Variants in PCDHGA8 observed in about 807,000 individuals in gnomAD.
PCDHGA8 encodes protocadherin gamma-A8.
A neutral mutation model predicts 59.2 loss-of-function variants in PCDHGA8; 45 were observed. The observed-to-expected ratio is 0.76, with a 90% CI of 0.60 to 0.98. The LOEUF is 0.98. Among genes scored for constraint, PCDHGA8 ranks in the 50% least tolerant of loss-of-function variants. The probability of loss-of-function intolerance (pLI) is 0.00; values close to 1 mark genes in which losing one functional copy is unlikely to be tolerated. For synonymous variants in PCDHGA8, 531 were observed against 519.0 expected, an observed-to-expected ratio of 1.02 and a Z score of -0.32; for missense variants, 1,257 against 1,196.2, an observed-to-expected ratio of 1.05 and a Z score of -0.75.
chr5:141,419,217 G>A (rs1407588828), intron 1 of PCDHGA8: 1 of 1,613,936 alleles, frequency 6.2e-7, no homozygotes, highest in Admixed American at 1.7e-5. Context: ...CCGGTTTTCG[G>A]ACAGTCAGCC....
chr5:141,409,561 C>T (rs1296401858), intron 1 of PCDHGA8: 4 of 1,613,986 alleles, frequency 2.5e-6, no homozygotes, highest in Non-Finnish European at 3.4e-6. Context: ...CAGTTTTCGA[C>T]CAGACGTCCT....
At chr5:141,416,641 C>A (rs996381588) in intron 1 of PCDHGA8, 1 of 152,056 alleles carries the variant, frequency 6.6e-6, no homozygotes, top group Non-Finnish European at 1.5e-5. Context: ...AAACACCAAC[C>A]ACAGCTGTAA....
At chr5:141,397,926 A>T in intron 1 of PCDHGA8, 1 of 753,888 alleles carries the variant, frequency 1.3e-6, no homozygotes, top group Non-Finnish European at 2.1e-6. Context: ...CTCCTCGCGC[A>T]GCCGCAGCGC....
At chr5:141,466,180 A>AT (rs922532578) in intron 1 of PCDHGA8, among the ~76,000 whole-genome samples, 11 of 151,256 alleles carry the variant, frequency 7.3e-5, no homozygotes, top group South Asian at 2.1e-4. Context: ...TTTTATTTTT[A>AT]TTTTTTTTCA....
intron 1 of PCDHGA8, among the ~76,000 whole-genome samples, chr5:141,470,239 A>G (rs978204909): frequency 1.3e-5 from 2 of 152,232 alleles, no homozygotes; most frequent in African/African-American, 2.4e-5. Flanking sequence ...AAACCCTTGA[A>G]TGTCCCACCT....
At position 141,395,157 on chromosome 5, in the gene PCDHGA8, C is replaced by T. The variant is rs1217678334; in HGVS notation, c.2344C>T (p.Gln782Ter). ...QPNYADMLIS[Q>*]EGCEKNDSLL... ...CAACTACGCAGACATGCTCATCAGT[C>T]AGGAGGGCTGTGAGAAAAATGATTC... Residue 782 changes from glutamine to a stop codon, truncating the protein, a stop_gained, in exon 1 of 4, where the codon CAG (glutamine) becomes TAG (stop). Transcript: ENST00000398604. LOFTEE classifies it high-confidence loss of function. The T allele has an allele frequency of 2.5e-6, 4 of 1,614,174 alleles. No homozygotes were observed. The highest frequency in any genetic ancestry group is 1.7e-5 in the Admixed American group (1 of 60,022).
At chr5:141,465,229 A>G (rs1010075158) in intron 1 of PCDHGA8, among the ~76,000 whole-genome samples, 6 of 152,208 alleles carry the variant, frequency 3.9e-5, no homozygotes, top group Non-Finnish European at 2.9e-5. Flanking sequence ...CATGAGCTCC[A>G]TCAAGTTCAA....
intron 1 of PCDHGA8, among the ~76,000 whole-genome samples, chr5:141,401,643 A>G (rs973841801): frequency 6.6e-6 from 1 of 152,262 alleles, no homozygotes; most frequent in African/African-American, 2.4e-5. Context: ...AGCTTTAAAT[A>G]TAAATGACTG....
intron 1 of PCDHGA8, chr5:141,409,185 C>G (rs765063807): frequency 6.2e-7 from 1 of 1,614,024 alleles, no homozygotes; most frequent in South Asian, 1.1e-5. Flanking sequence ...GGTGGTCTCT[C>G]TACCCAGTGT....
intron 1 of PCDHGA8, chr5:141,478,139 G>A: frequency 6.2e-7 from 1 of 1,614,040 alleles, no homozygotes; most frequent in Non-Finnish European, 8.5e-7. Context: ...TGAAGCCCGA[G>A]CCGAGTTCCC....
rs944974638 is a variant in PCDHGA8, at chr5:141,393,886, A to C, written c.1073A>C (p.Glu358Ala). 3.7e-6 allele frequency: 6 copies of C among 1,614,034 alleles called. No individual in the cohort carries two copies. In the East Asian group the frequency reaches 1.3e-4, roughly 36 times the overall value. Residue 358 changes from glutamate (E) to alanine (A), a missense_variant, in exon 1 of 4, where the codon GAA (glutamate) becomes GCA (alanine). Glu to Ala is a moderately radical substitution (Grantham distance 107). Coordinates refer to ENST00000398604, the MANE Select transcript of PCDHGA8 (RefSeq NM_032088.2). ...ACGTCTTTGTTTAGCCCAGTGTTAG[A>C]AAATTCTCTTCCCGGGACAGTAATT... ...IITSLFSPVL[E>A]NSLPGTVIAF...
At position 141,431,276 on chromosome 5, in the gene PCDHGA8, A is replaced by T; in HGVS notation, c.2424+36039A>T. 6.2e-7 allele frequency: 1 copy of T among 1,614,176 alleles called. No individual in the cohort carries two copies. Among genetic ancestry groups the T allele is most frequent in the South Asian group, 1.1e-5 (1 of 91,084 alleles). ...GAACTCTCTGCAGAGCTACGAGCTC[A>T]GCCCGAACACTCACTTCTCCCTCAT... is the stretch of plus-strand genomic sequence containing the variant. On this transcript the variant is annotated intron_variant, in intron 1 of 3. Transcript: ENST00000398604. The surrounding 1 kb of genome is among the most constrained non-coding windows in gnomAD (Gnocchi z 4.8).
At chr5:141,438,538 A>G (rs950527053) in intron 1 of PCDHGA8, among the ~76,000 whole-genome samples, 2 of 145,166 alleles carry the variant, frequency 1.4e-5, no homozygotes, top group African/African-American at 2.6e-5. Context: ...CTTTTCCTCT[A>G]TATCTAAGCC....
Position 141,490,503 on chromosome 5 carries a change from C to A in PCDHGA8, c.2425-4304C>A, listed in dbSNP as rs2099701103. On this transcript the variant is annotated intron_variant, in intron 1 of 3. Coordinates refer to ENST00000398604, the MANE Select transcript of PCDHGA8 (RefSeq NM_032088.2). The surrounding 1 kb of genome is among the most constrained non-coding windows in gnomAD (Gnocchi z 5.4). ...ACCGGGAGGCCACATCCCACTATAT[C>A]ATCGAGCTGCTGGCCAGCGATGCTG... 3.7e-6 allele frequency: 6 copies of A among 1,614,206 alleles called. No individual in the cohort carries two copies. In the African/African-American group the frequency reaches 8.0e-5, roughly 22 times the overall value.
At chr5:141,497,818 G>T (rs2099779657) in intron 2 of PCDHGA8, among the ~76,000 whole-genome samples, 1 of 152,194 alleles carries the variant, frequency 6.6e-6, no homozygotes, top group African/African-American at 2.4e-5. Context: ...AGAATTACAG[G>T]TGTGATCGCC....
At chr5:141,492,553 G>A (rs1184580300) in intron 1 of PCDHGA8, among the ~76,000 whole-genome samples, 1 of 152,148 alleles carries the variant, frequency 6.6e-6, no homozygotes, top group Non-Finnish European at 1.5e-5. Flanking sequence ...CGGGTCGCCT[G>A]GGGGGCGGCC....
At chr5:141,509,094 T>C (rs1038935185) in intron 3 of PCDHGA8, among the ~76,000 whole-genome samples, 4 of 152,152 alleles carry the variant, frequency 2.6e-5, no homozygotes, top group African/African-American at 9.7e-5. Context: ...AAATGGGGGC[T>C]GTAGAAACCT....
In PCDHGA8 at chr5:141,476,715, G is replaced by A. The variant is rs199871912; in HGVS notation, c.2425-18092G>A. 12 of 1,614,168 alleles carry A rather than the reference G, an allele frequency of 7.4e-6. No individual in the cohort carries two copies. The highest frequency in any genetic ancestry group is 1.7e-5 in the Admixed American group (1 of 60,032). On this transcript the variant is annotated intron_variant, in intron 1 of 3. Coordinates refer to ENST00000398604, the MANE Select transcript of PCDHGA8 (RefSeq NM_032088.2). The surrounding 1 kb of genome is among the most constrained non-coding windows in gnomAD (Gnocchi z 7.6). ...AAGTACGCGGAGCTGGTGTTGGAGC[G>A]CGCCCTGGACCGAGAACGGGAGCCT...
chr5:141,418,323 A>G, intron 1 of PCDHGA8: 2 of 1,614,004 alleles, frequency 1.2e-6, no homozygotes, highest in Non-Finnish European at 1.7e-6. Flanking sequence ...ACAATTCTTG[A>G]GTCTGCAGAA....
Sources: allele counts gnomAD v4.1 joint callset (sites outside exome capture counted in the v4.1 genomes callset), GRCh38; gene constraint gnomAD v4.1.1; non-coding constraint Gnocchi (gnomAD v3.1); transcripts MANE v1.5; gene names NCBI Gene and HGNC (gene_info 2026-07-23, HGNC 2026-07-21).